XKR4: variants seen among roughly 807,000 people sequenced by gnomAD.
XKR4 encodes XK related 4.
A neutral mutation model predicts 53.9 loss-of-function variants in XKR4; 12 were observed. That is an observed-to-expected ratio of 0.22 (90% CI 0.14 to 0.36). XKR4 has a LOEUF of 0.36. Ranked by LOEUF, XKR4 falls within the 10% of genes least tolerant of loss-of-function variation. The pLI, the probability that XKR4 is intolerant of heterozygous loss-of-function variation, is 1.00. For missense variants in XKR4, 799 were observed against 859.5 expected (o/e 0.93, Z 0.88); for synonymous variants, 354 against 362.4 (o/e 0.98, Z 0.26).
chr8:55,311,812 CT>C (rs1819392514), intron 1 of XKR4, among the ~76,000 whole-genome samples: 1 of 112,796 alleles, frequency 8.9e-6, no homozygotes. Context: ...ATAACTGAAA[CT>C]GTCTCTGTAA....
At chr8:55,504,206 T>TGTTTC in intron 2 of XKR4, among the ~76,000 whole-genome samples, 1 of 151,512 alleles carries the variant, frequency 6.6e-6, no homozygotes, top group South Asian at 2.1e-4. Flanking sequence ...TGTTTTGTTT[T>TGTTTC]GTTTTGTTTT....
At chr8:55,181,483 T>G (rs1443095301) in intron 1 of XKR4, among the ~76,000 whole-genome samples, 3 of 152,204 alleles carry the variant, frequency 2.0e-5, no homozygotes, top group Admixed American at 6.5e-5. Context: ...TGTATTATTT[T>G]TATTGAAATA....
chr8:55,447,033 A>T (rs186077775), intron 2 of XKR4, among the ~76,000 whole-genome samples: 41 of 150,904 alleles, frequency 2.7e-4, no homozygotes, highest in African/African-American at 9.2e-4. Flanking sequence ...GTTTGAAATG[A>T]TGGTATAGCC....
chr8:55,334,264 G>A (rs899167907), intron 1 of XKR4, among the ~76,000 whole-genome samples: 4 of 152,218 alleles, frequency 2.6e-5, no homozygotes, highest in African/African-American at 9.6e-5. Context: ...TGCTACATAT[G>A]GGGTAAATGA....
At chr8:55,345,426 G>A (rs1420837128) in intron 1 of XKR4, among the ~76,000 whole-genome samples, 1 of 152,204 alleles carries the variant, frequency 6.6e-6, no homozygotes, top group African/African-American at 2.4e-5. Flanking sequence ...ATGATGTGTA[G>A]CCACTGAAAT....
At chr8:55,141,671 C>CTCTCTCTCTCTCTCTCTCTCTCTGTG (rs748708972) in intron 1 of XKR4, among the ~76,000 whole-genome samples, 28 of 135,292 alleles carry the variant, frequency 2.1e-4, no homozygotes, top group South Asian at 1.1e-3. Flanking sequence ...CTCTCTCTCT[C>CTCTCTCTCTCTCTCTCTCTCTCTGTG]TGTGTGTGTG....
rs1363392396 is a variant in XKR4, at chr8:55,540,594, A to G, written c.*16367A>G. 1 of 152,152 alleles carries G rather than the reference A, an allele frequency of 6.6e-6. No homozygotes were observed. Among genetic ancestry groups the G allele is most frequent in the Non-Finnish European group, 1.5e-5 (1 of 68,012 alleles). The allele number at this position is 152,152 out of a possible 1,614,324, so 9.4% of individuals were successfully genotyped here. A position where few individuals can be genotyped will look rare whatever the true frequency, so the allele number is the denominator to read the frequency against. On this transcript the variant is annotated 3_prime_UTR_variant, in exon 3 of 3. Transcript: ENST00000327381. ...CTCAATAGCCTAGGGAGAGTCGATG[A>G]AGGATATGCAAATTACATTTTTCCC...
chr8:55,341,031 A>G (rs760166692), intron 1 of XKR4, among the ~76,000 whole-genome samples: 7 of 152,178 alleles, frequency 4.6e-5, no homozygotes, highest in Non-Finnish European at 1.0e-4. Flanking sequence ...TGTAATACCA[A>G]TGGTACTTTT....
intron 1 of XKR4, among the ~76,000 whole-genome samples, chr8:55,151,776 C>T (rs1816843712): frequency 6.6e-6 from 1 of 152,136 alleles, no homozygotes; most frequent in East Asian, 1.9e-4. Context: ...TTTTCACTAA[C>T]ACTTCATTAT....
intron 1 of XKR4, among the ~76,000 whole-genome samples, chr8:55,234,493 GT>G (rs2129367338): frequency 6.6e-6 from 1 of 152,192 alleles, no homozygotes; most frequent in Non-Finnish European, 1.5e-5. Flanking sequence ...AACATCTCCT[GT>G]CTGAAGCAGA....
chr8:55,113,572 A>G (rs1269482514), intron 1 of XKR4, among the ~76,000 whole-genome samples: 2 of 152,160 alleles, frequency 1.3e-5, no homozygotes, highest in African/African-American at 4.8e-5. Flanking sequence ...AACTTGATAT[A>G]TATTTATTTA....
chr8:55,524,267 G>C lies in XKR4; in HGVS notation c.*40G>C, dbSNP rs1327543787. On this transcript the variant is annotated 3_prime_UTR_variant, in exon 3 of 3. Transcript: ENST00000327381. ...CAGGACCCACAACATCCAGATGAAGGGGTGACAGCAGGGCTGTGGCCATAA... is the reference window on the plus strand; with the variant it reads ...CAGGACCCACAACATCCAGATGAAGCGGTGACAGCAGGGCTGTGGCCATAA... The C allele has an allele frequency of 6.4e-7, 1 of 1,572,746 alleles. No homozygotes were observed. Among genetic ancestry groups the C allele is most frequent in the Non-Finnish European group, 8.7e-7 (1 of 1,154,470 alleles).
chr8:55,464,760 C>T lies in XKR4; in HGVS notation c.1007-58521C>T, dbSNP rs555674386. ...CCCCATTTTCTCAGCCCAAAATCTC[C>T]TTAAGCTGATAAGCAACTTCAGCAA... On this transcript the variant is annotated intron_variant, in intron 2 of 2. Coordinates refer to ENST00000327381, the MANE Select transcript of XKR4 (RefSeq NM_052898.2). Among the ~76,000 whole-genome samples the T allele has an allele frequency of 2.0e-5, 3 of 152,256 alleles. No homozygotes were observed. The South Asian group carries it at 6.2e-4, about 32-fold the overall frequency.
chr8:55,221,216 T>C (rs1328841266), intron 1 of XKR4, among the ~76,000 whole-genome samples: 1 of 152,236 alleles, frequency 6.6e-6, no homozygotes, highest in Non-Finnish European at 1.5e-5. Flanking sequence ...TGTCAACCTA[T>C]GGATAAAACA....
At chr8:55,452,022 A>G in intron 2 of XKR4, 2 of 762,928 alleles carry the variant, frequency 2.6e-6, no homozygotes, top group East Asian at 2.5e-5. Context: ...GTTCTTAACC[A>G]GGTTCCAGGA....
At chr8:55,191,755 T>C (rs1281354738) in intron 1 of XKR4, among the ~76,000 whole-genome samples, 1 of 151,970 alleles carries the variant, frequency 6.6e-6, no homozygotes, top group African/African-American at 2.4e-5. Flanking sequence ...TGAAGATTTT[T>C]TCCTTTAATT....
Position 55,340,287 on chromosome 8 carries a change from T to C in XKR4, c.807-17391T>C, listed in dbSNP as rs1320056347. Among the ~76,000 whole-genome samples, 5 of 152,236 alleles carry C rather than the reference T, an allele frequency of 3.3e-5. 1 individual carries two copies. The highest frequency in any genetic ancestry group is 7.3e-5 in the Non-Finnish European group (5 of 68,042). ...TTTTTAGCTGAGGTTGTGTGGTGTTTGGTGGTGGCATTGGTTCTTGACACA... is the reference window on the plus strand; with the variant it reads ...TTTTTAGCTGAGGTTGTGTGGTGTTCGGTGGTGGCATTGGTTCTTGACACA... On this transcript the variant is annotated intron_variant, in intron 1 of 2. Coordinates refer to ENST00000327381, the MANE Select transcript of XKR4 (RefSeq NM_052898.2).
At chr8:55,104,602 C>G (rs1203573416) in intron 1 of XKR4, among the ~76,000 whole-genome samples, 1 of 152,158 alleles carries the variant, frequency 6.6e-6, no homozygotes, top group Non-Finnish European at 1.5e-5. Context: ...GGTGATTTCA[C>G]AACCTTTCCT....
intron 1 of XKR4, among the ~76,000 whole-genome samples, chr8:55,225,126 G>A (rs1170491538): frequency 6.6e-6 from 1 of 152,094 alleles, no homozygotes; most frequent in Non-Finnish European, 1.5e-5. Flanking sequence ...GTCTCACTTC[G>A]TATTTATGCA....
Sources: allele counts gnomAD v4.1 joint callset (sites outside exome capture counted in the v4.1 genomes callset), GRCh38; gene constraint gnomAD v4.1.1; transcripts MANE v1.5; gene names NCBI Gene and HGNC (gene_info 2026-07-23, HGNC 2026-07-21).